FGD3: variants seen among roughly 807,000 people sequenced by gnomAD.
FGD3 encodes the protein FYVE, RhoGEF and PH domain-containing protein 3.
FGD3 carries 45 observed loss-of-function variants against 71.8 expected under a neutral mutation model. The ratio of observed to expected loss-of-function variants is 0.63; its 90% CI spans 0.49 to 0.80. The LOEUF is 0.80. Among genes scored for constraint, FGD3 ranks in the 30% least tolerant of loss-of-function variants. FGD3 has a pLI of 0.00. For synonymous variants in FGD3, 378 were observed against 392.8 expected, an observed-to-expected ratio of 0.96 and a Z score of 0.44; for missense variants, 844 against 951.5, an observed-to-expected ratio of 0.89 and a Z score of 1.49.
At position 93,003,882 on chromosome 9, in the gene FGD3, A is replaced by G; in HGVS notation, c.544-119A>G. 2 of 1,229,972 alleles carry G rather than the reference A, an allele frequency of 1.6e-6. No homozygotes were observed. Among genetic ancestry groups the G allele is most frequent in the Non-Finnish European group, 2.3e-6 (2 of 872,304 alleles). The allele number at this position is 1,229,972 out of a possible 1,614,324, so 76.2% of individuals were successfully genotyped here. A position where few individuals can be genotyped will look rare whatever the true frequency, so the allele number is the denominator to read the frequency against. On this transcript the variant is annotated intron_variant, in intron 4 of 17. Transcript: ENST00000375482. This position sits in a 1 kb window ranked among gnomAD's most constrained non-coding sequence, Gnocchi z 4.1. ...GACAATAATTCTGAAATTCATTAAG[A>G]AAACACAAGGTGGCAGCAGCGGCCC... is the stretch of plus-strand genomic sequence containing the variant.
chr9:92,996,857 T>G (rs889706495), intron 3 of FGD3, among the ~76,000 whole-genome samples: 1 of 152,204 alleles, frequency 6.6e-6, no homozygotes, highest in Non-Finnish European at 1.5e-5. Context: ...TGTTATAGTT[T>G]TTGTTCTTTT....
chr9:92,973,470 C>T (rs1329232907), intron 1 of FGD3, among the ~76,000 whole-genome samples: 1 of 152,134 alleles, frequency 6.6e-6, no homozygotes, highest in East Asian at 1.9e-4. Flanking sequence ...CCTTGCCATG[C>T]ACTAGATATT....
chr9:93,006,369 T>G (rs1308596558), intron 6 of FGD3, among the ~76,000 whole-genome samples, 189 bp downstream of exon 6: 2 of 152,222 alleles, frequency 1.3e-5, no homozygotes, highest in African/African-American at 2.4e-5. Flanking sequence ...GTTGATGCTT[T>G]GAGCCTTACA....
intron 8 of FGD3, among the ~76,000 whole-genome samples, chr9:93,012,192 GA>G (rs1424658600): frequency 1.3e-5 from 2 of 151,634 alleles, no homozygotes; most frequent in African/African-American, 2.4e-5. Context: ...AAACCAGGGG[GA>G]AAAAAAGGAA....
chr9:93,007,311 C>T (rs537979819), intron 6 of FGD3, among the ~76,000 whole-genome samples: 2 of 151,598 alleles, frequency 1.3e-5, no homozygotes, highest in African/African-American at 2.4e-5. Flanking sequence ...CAGGATGTCT[C>T]GATTTCCTGA....
At position 93,011,894 on chromosome 9, in the gene FGD3, C is replaced by T. The variant is rs1278215600; in HGVS notation, c.1035+622C>T. 2.7e-5 allele frequency among the ~76,000 whole-genome samples: 4 copies of T among 146,398 alleles called. No homozygotes were observed. In the South Asian group the frequency reaches 8.6e-4, roughly 32 times the overall value. On this transcript the variant is annotated intron_variant, in intron 8 of 17. Transcript: ENST00000375482. ...TCACTCTAGGCCAGGCGCGGTGGCT[C>T]ACGCCTGTAATCCCAGCAATTTGGG...
Position 93,032,718 on chromosome 9 carries a change from A to G in FGD3, c.1681-51A>G. ...TCTACCTCCTCTGGCATCTTCCTGG[A>G]TAATCCTCTGTCCCAGGGTGCTGGG... On this transcript the variant is annotated intron_variant, in intron 15 of 17. Transcript: ENST00000375482. 3 of 1,566,526 alleles carry G rather than the reference A, an allele frequency of 1.9e-6. No individual in the cohort carries two copies. The South Asian group carries it at 3.3e-5, about 17-fold the overall frequency.
intron 3 of FGD3, among the ~76,000 whole-genome samples, chr9:92,977,809 G>C (rs781666470): frequency 1.6e-4 from 25 of 152,164 alleles, no homozygotes; most frequent in Non-Finnish European, 2.9e-4. Flanking sequence ...TCCCAGCCAT[G>C]ATGGGAATGG....
chr9:92,948,104 C>T (rs1233445262), intron 1 of FGD3, among the ~76,000 whole-genome samples: 1 of 152,184 alleles, frequency 6.6e-6, no homozygotes, highest in Non-Finnish European at 1.5e-5. Context: ...CTCCACCCTT[C>T]CCCATTCTTC....
At chr9:93,004,216 A>G (rs921765444) in intron 5 of FGD3, 79 bp downstream of exon 5, 1 of 1,563,120 alleles carries the variant, frequency 6.4e-7, no homozygotes, top group African/African-American at 1.3e-5. Context: ...GAGCGAGGCA[A>G]GTGCTGGGGG....
intron 9 of FGD3, among the ~76,000 whole-genome samples, chr9:93,014,435 G>A (rs1467641790): frequency 6.6e-6 from 1 of 152,048 alleles, no homozygotes; most frequent in Non-Finnish European, 1.5e-5. Flanking sequence ...GTGCCATGGC[G>A]CGGTAGAAAC....
At chr9:93,011,439 GC>G (rs1451888193) in intron 8 of FGD3, among the ~76,000 whole-genome samples, 167 bp downstream of exon 8, 1 of 152,138 alleles carries the variant, frequency 6.6e-6, no homozygotes, top group Non-Finnish European at 1.5e-5. Context: ...GGACAGCCCC[GC>G]CCCTTGCTAT....
chr9:92,955,295 G>T (rs994391623), intron 1 of FGD3, among the ~76,000 whole-genome samples: 3 of 152,142 alleles, frequency 2.0e-5, no homozygotes, highest in Non-Finnish European at 4.4e-5. Flanking sequence ...AGCACTTTGG[G>T]AGGCTGAGGT....
At chr9:92,962,715 C>T (rs148707439) in intron 1 of FGD3, among the ~76,000 whole-genome samples, 3 of 152,220 alleles carry the variant, frequency 2.0e-5, no homozygotes, top group Non-Finnish European at 4.4e-5. Flanking sequence ...CCGAGGCAGA[C>T]AGATCACCTG....
intron 10 of FGD3, among the ~76,000 whole-genome samples, chr9:93,017,536 C>T (rs931585396): frequency 6.6e-6 from 1 of 152,044 alleles, no homozygotes; most frequent in Admixed American, 6.5e-5. Context: ...TGAGCTACTG[C>T]GCCCGGCCAT....
intron 3 of FGD3, among the ~76,000 whole-genome samples, chr9:92,992,530 G>T (rs1860455376): frequency 6.6e-6 from 1 of 152,188 alleles, no homozygotes; most frequent in Non-Finnish European, 1.5e-5. Context: ...GTGGCAGACT[G>T]TTCTTTTAGC....
Position 93,003,924 on chromosome 9 carries a change from C to T in FGD3, c.544-77C>T. On this transcript the variant is annotated intron_variant, in intron 4 of 17. Transcript: ENST00000375482. The surrounding 1 kb of genome is among the most constrained non-coding windows in gnomAD (Gnocchi z 4.1). ...CAGCGGCCCCTCCCGAGCGCCCTCA[C>T]CTGTGGCCGAAGCGGGGCGGCAACT... The T allele has an allele frequency of 1.3e-6, 2 of 1,582,670 alleles. No homozygotes were observed. Among genetic ancestry groups the T allele is most frequent in the Non-Finnish European group, 1.7e-6 (2 of 1,158,278 alleles).
intron 6 of FGD3, 61 bp from the exon 7 acceptor site, chr9:93,010,185 G>A (rs74763709): frequency 0.02 from 30,319 of 1,529,732 alleles, 364 homozygotes; most frequent in Non-Finnish European, 0.023. Context: ...GCCAGAAGCC[G>A]GTGGGGCTGG....
Position 92,976,494 on chromosome 9 carries a change from A to G in FGD3, c.238A>G (p.Ser80Gly), listed in dbSNP as rs1179098073. The change falls in exon 3 of 18, where the codon AGT becomes GGT. Residue 80 changes from serine (S) to glycine (G), a missense_variant. Coordinates refer to ENST00000375482, the MANE Select transcript of FGD3 (RefSeq NM_001083536.2). ...KIPNRDSGID[S>G]PSSSVAGENF... ...CCCCAACCGGGACAGCGGGATCGACAGTCCCTCCTCCAGTGTGGCTGGAGA... is the reference window on the plus strand; with the variant it reads ...CCCCAACCGGGACAGCGGGATCGACGGTCCCTCCTCCAGTGTGGCTGGAGA... 6.2e-7 allele frequency: 1 copy of G among 1,612,450 alleles called. No homozygotes were observed. The highest frequency in any genetic ancestry group is 8.5e-7 in the Non-Finnish European group (1 of 1,179,708).
Sources: allele counts gnomAD v4.1 joint callset (sites outside exome capture counted in the v4.1 genomes callset), GRCh38; gene constraint gnomAD v4.1.1; non-coding constraint Gnocchi (gnomAD v3.1); transcripts MANE v1.5; gene names NCBI Gene and HGNC (gene_info 2026-07-23, HGNC 2026-07-21).